The following PSMD6 variants were observed in gnomAD, a reference collection of about 807,000 sequenced individuals.
The protein encoded by PSMD6 is proteasome 26S subunit, non-ATPase 6, also known as 26S proteasome non-ATPase regulatory subunit 6.
A neutral mutation model predicts 44.9 loss-of-function variants in PSMD6; 7 were observed. That is an observed-to-expected ratio of 0.16 (90% CI 0.09 to 0.29). The LOEUF (loss-of-function observed/expected upper bound fraction) is 0.29, where lower values mean the gene tolerates loss of function less well. Ranked by LOEUF, PSMD6 falls within the 10% of genes least tolerant of loss-of-function variation. The pLI is 1.00. For missense variants in PSMD6, 420 were observed against 482.6 expected (o/e 0.87, Z 1.21); for synonymous variants, 184 against 172.7 (o/e 1.07, Z -0.51).
chr3:64,023,640 C>A (rs2076171350), upstream of PSMD6: 1 of 1,436,806 alleles, frequency 7.0e-7, no homozygotes, highest in Admixed American at 2.8e-5. Context: ...CCCTCAAGGC[C>A]CCCTGCGGAG....
At chr3:64,023,548 A>C, upstream of PSMD6, 11 of 1,409,828 alleles carry the variant, frequency 7.8e-6, no homozygotes, top group Non-Finnish European at 1.0e-5. Context: ...CTCCGCCGGC[A>C]GCGTCCTCTG....
chr3:64,012,150 A>G (rs1196031058), intron 6 of PSMD6: 3 of 149,188 alleles, frequency 2.0e-5, no homozygotes, highest in Non-Finnish European at 3.0e-5. Flanking sequence ...GTAACAAGCA[A>G]ATATGTTAAA....
chr3:64,023,532 T>C (rs1398405074), upstream of PSMD6: 36 of 1,411,144 alleles, frequency 2.6e-5, no homozygotes, highest in Non-Finnish European at 3.3e-5. Context: ...CGGCTTCCGG[T>C]CCCGTCTCCG....
chr3:64,017,903 T>C (rs1435632454), intron 5 of PSMD6, among the ~76,000 whole-genome samples: 1 of 152,242 alleles, frequency 6.6e-6, no homozygotes, highest in Non-Finnish European at 1.5e-5. Flanking sequence ...TGATGCAAGC[T>C]GATTCTTCTA....
chr3:64,013,372 G>C (rs1038475546), intron 6 of PSMD6, 67 bp downstream of exon 6: 1 of 1,403,416 alleles, frequency 7.1e-7, no homozygotes, highest in African/African-American at 1.5e-5. Flanking sequence ...GTAAAAAATT[G>C]TACAAGTTCA....
intron 2 of PSMD6, among the ~76,000 whole-genome samples, chr3:64,021,516 AAAG>A (rs1219232021): frequency 6.6e-6 from 1 of 152,238 alleles, no homozygotes; most frequent in African/African-American, 2.4e-5. Flanking sequence ...TTTACGTAAA[AAAG>A]ATTTTATGAC....
upstream of PSMD6, chr3:64,023,636 A>C: frequency 2.1e-6 from 3 of 1,426,486 alleles, no homozygotes; most frequent in Non-Finnish European, 2.7e-6. Flanking sequence ...TCCACCCTCA[A>C]GGCCCCCTGC....
chr3:64,018,569 G>A (rs1263083230), intron 5 of PSMD6, 30 bp downstream of exon 5: 2 of 1,460,792 alleles, frequency 1.4e-6, no homozygotes, highest in Non-Finnish European at 1.9e-6. Context: ...GATGAAGACA[G>A]ATAATCAAAA....
At chr3:64,023,202 A>T (rs1006777351) in intron 1 of PSMD6, 73 bp downstream of exon 1, 3 of 1,471,772 alleles carry the variant, frequency 2.0e-6, no homozygotes, top group Non-Finnish European at 2.7e-6. Context: ...CATCAAAAAA[A>T]GTCCCCGCAG....
chr3:64,013,372 G>T, intron 6 of PSMD6, 67 bp downstream of exon 6: 2 of 1,403,534 alleles, frequency 1.4e-6, no homozygotes, highest in Non-Finnish European at 1.9e-6. Context: ...GTAAAAAATT[G>T]TACAAGTTCA....
At chr3:64,015,185 G>A (rs986827726) in intron 5 of PSMD6, 1 of 152,222 alleles carries the variant, frequency 6.6e-6, no homozygotes, top group African/African-American at 2.4e-5. Context: ...AGTATGGAGA[G>A]GGTGGGACAG....
chr3:64,018,048 G>A, intron 5 of PSMD6, among the ~76,000 whole-genome samples: 1 of 152,322 alleles, frequency 6.6e-6, no homozygotes, highest in Middle Eastern at 3.4e-3. Context: ...TTACGTTCAA[G>A]AGATTATTTT....
At chr3:64,020,140 T>C (rs1363233322) in intron 2 of PSMD6, among the ~76,000 whole-genome samples, 2 of 151,408 alleles carry the variant, frequency 1.3e-5, no homozygotes, top group Non-Finnish European at 2.9e-5. Flanking sequence ...CTGTGACATT[T>C]TGTTTTATCA....
At chr3:64,013,644 CCGTTT>C (rs2075997231) in intron 5 of PSMD6, 37 bp from the exon 6 acceptor site, 2 of 1,536,880 alleles carry the variant, frequency 1.3e-6, no homozygotes, top group Non-Finnish European at 1.8e-6. Flanking sequence ...AATAGACTCT[CCGTTT>C]CAGATAAAAA....
intron 5 of PSMD6, chr3:64,013,863 T>C (rs1181755981): frequency 3.0e-6 from 1 of 329,290 alleles, no homozygotes; most frequent in East Asian, 5.0e-5. Flanking sequence ...AAGGAACTTG[T>C]TCATAGATGA....
At chr3:64,018,754 T>C (rs1426713938) in intron 4 of PSMD6, 47 bp from the exon 5 acceptor site, 1 of 1,523,152 alleles carries the variant, frequency 6.6e-7, no homozygotes, top group African/African-American at 1.4e-5. Flanking sequence ...TACATTTTAA[T>C]GATTTGTGTA....
Position 64,020,402 on chromosome 3 carries a change from A to G in PSMD6, c.352-961T>C, listed in dbSNP as rs146824683. 2.6e-3 allele frequency among the ~76,000 whole-genome samples: 396 copies of G among 152,298 alleles called. 1 individual carries two copies. The highest frequency in any genetic ancestry group is 0.01 in the Middle Eastern group (3 of 294). On this transcript the variant is annotated intron_variant, in intron 2 of 7. Coordinates refer to ENST00000295901, the MANE Select transcript of PSMD6 (RefSeq NM_014814.3). ...ATTTAATAAATACAGAGGAAATATA[A>G]TATTAGAACATTTTACAACTTCCTG...
chr3:64,021,879 C>G (rs979033605), intron 2 of PSMD6, among the ~76,000 whole-genome samples: 7 of 151,990 alleles, frequency 4.6e-5, no homozygotes, highest in Non-Finnish European at 8.8e-5. Context: ...AAGCCTATCC[C>G]TGGGCAGGTA....
intron 5 of PSMD6, chr3:64,013,918 C>G (rs533770590): frequency 3.6e-5 from 8 of 222,278 alleles, no homozygotes; most frequent in Non-Finnish European, 6.1e-5. Context: ...ACTTCTTATG[C>G]CTTAAGTAAA....
Sources: allele counts gnomAD v4.1 joint callset (sites outside exome capture counted in the v4.1 genomes callset), GRCh38; gene constraint gnomAD v4.1.1; transcripts MANE v1.5; gene names NCBI Gene and HGNC (gene_info 2026-07-23, HGNC 2026-07-21).